The following COLGALT2 variants were observed in gnomAD, a reference collection of about 807,000 sequenced individuals.
The protein encoded by COLGALT2 is procollagen galactosyltransferase 2.
Under a neutral mutation model 73.4 loss-of-function variants are expected in COLGALT2, and 49 were observed. The ratio of observed to expected loss-of-function variants is 0.67; its 90% CI spans 0.53 to 0.85. The LOEUF is 0.85. Ranked by LOEUF, COLGALT2 falls within the 40% of genes least tolerant of loss-of-function variation. COLGALT2 has a pLI of 0.00. For synonymous variants in COLGALT2, 295 were observed against 307.6 expected (o/e 0.96, Z 0.43); for missense variants, 722 against 790.2 (o/e 0.91, Z 1.03).
At chr1:184,035,309 TG>T (rs1366533040) in intron 1 of COLGALT2, among the ~76,000 whole-genome samples, 1 of 152,246 alleles carries the variant, frequency 6.6e-6, no homozygotes, top group East Asian at 1.9e-4. Flanking sequence ...CTGATGCCTA[TG>T]GATCCCAAGC....
chr1:184,012,380 A>T (rs527654875), intron 1 of COLGALT2, among the ~76,000 whole-genome samples: 12 of 152,344 alleles, frequency 7.9e-5, no homozygotes, highest in African/African-American at 2.9e-4. Context: ...TAGGATTATT[A>T]GAGGAAAAAT....
At chr1:184,032,126 T>C (rs1649532967) in intron 1 of COLGALT2, among the ~76,000 whole-genome samples, 1 of 152,064 alleles carries the variant, frequency 6.6e-6, no homozygotes, top group Admixed American at 6.5e-5. Flanking sequence ...ACTCCTTGGC[T>C]TAAGAAATCT....
Position 183,975,158 on chromosome 1 carries a change from A to G in COLGALT2, c.431T>C (p.Val144Ala). ...KHWPTSRFAH[V>A]MKLRQAALRT... Reference sequence around the variant, plus strand: ...AAGGGCTGCCTGTCGTAGTTTCATCACATGGGCAAACCGGGAGGTTGGCCA... The same window carrying G: ...AAGGGCTGCCTGTCGTAGTTTCATCGCATGGGCAAACCGGGAGGTTGGCCA... The change falls in exon 3 of 12, where the codon GTG (valine) becomes GCG (alanine). Residue 144 changes from valine to alanine, a missense_variant. Coordinates refer to ENST00000361927, the MANE Select transcript of COLGALT2 (RefSeq NM_015101.4). 6.2e-7 allele frequency: 1 copy of G among 1,614,184 alleles called. No individual in the cohort carries two copies. Among genetic ancestry groups the G allele is most frequent in the Non-Finnish European group, 8.5e-7 (1 of 1,180,012 alleles).
In COLGALT2 at chr1:183,937,186, T is replaced by C. The variant is rs933332710; in HGVS notation, c.*1575A>G. The C allele has an allele frequency of 6.5e-6, 8 of 1,224,812 alleles. No homozygotes were observed. The highest frequency in any genetic ancestry group is 7.1e-6 in the Non-Finnish European group (7 of 984,216). The allele number at this position is 1,224,812 out of a possible 1,614,324, so 75.9% of individuals were successfully genotyped here. A position where few individuals can be genotyped will look rare whatever the true frequency, so the allele number is the denominator to read the frequency against. ...GAAGGGCCCTCCCCATGAGTTTAAGTGTGAAGCTCAGGGTTTGGGGTGTGC... is the reference window on the plus strand; with the variant it reads ...GAAGGGCCCTCCCCATGAGTTTAAGCGTGAAGCTCAGGGTTTGGGGTGTGC... On this transcript the variant is annotated 3_prime_UTR_variant, in exon 12 of 12. Transcript: ENST00000361927.
chr1:183,988,223 GA>G (rs1671538472), intron 1 of COLGALT2, among the ~76,000 whole-genome samples: 1 of 152,076 alleles, frequency 6.6e-6, no homozygotes, highest in African/African-American at 2.4e-5. Flanking sequence ...TTGGAAAGAA[GA>G]AAAAAATGAT....
intron 4 of COLGALT2, among the ~76,000 whole-genome samples, chr1:183,971,348 A>G (rs1671031601): frequency 6.6e-6 from 1 of 152,216 alleles, no homozygotes; most frequent in South Asian, 2.1e-4. Context: ...ACTTGTCCCT[A>G]AGTTGCTCAG....
At chr1:183,974,217 G>A (rs1198420786) in intron 3 of COLGALT2, among the ~76,000 whole-genome samples, 2 of 152,166 alleles carry the variant, frequency 1.3e-5, no homozygotes, top group Non-Finnish European at 1.5e-5. Context: ...TTTTGTTTAA[G>A]TACATTATAT....
Position 183,963,951 on chromosome 1 carries a change from G to C in COLGALT2, c.902C>G (p.Thr301Arg), listed in dbSNP as rs144400363. Residue 301 changes from threonine (T) to arginine (R), a missense_variant, in exon 6 of 12, where the codon ACA (threonine) becomes AGA (arginine). By Grantham distance (71) the Thr-to-Arg change is moderately conservative (BLOSUM62 -1). Transcript: ENST00000361927. ...GAGGTTCTCGATGTCTTCCTGCAGT[G>C]TCTGATGGGGCTTCAGGGGGATGGG... ...YLPIPLKPHQ[T>R]LQEDIENLIH... 2 of 1,613,170 alleles carry C rather than the reference G, an allele frequency of 1.2e-6. No homozygotes were observed. The highest frequency in any genetic ancestry group is 2.7e-5 in the African/African-American group (2 of 74,866).
chr1:183,964,375 T>C (rs1670806910), intron 5 of COLGALT2: 1 of 319,328 alleles, frequency 3.1e-6, no homozygotes. Context: ...GTAATCCACC[T>C]ACAGGAAATA....
At chr1:183,944,688 G>T (rs544128643) in intron 9 of COLGALT2, among the ~76,000 whole-genome samples, 12 of 151,902 alleles carry the variant, frequency 7.9e-5, no homozygotes, top group Admixed American at 2.6e-4. Context: ...AGTACGGGGT[G>T]GGGGGGTGCT....
At chr1:184,014,357 G>A (rs1648930815) in intron 1 of COLGALT2, among the ~76,000 whole-genome samples, 1 of 152,192 alleles carries the variant, frequency 6.6e-6, no homozygotes, top group South Asian at 2.1e-4. Context: ...TGGTCCACAT[G>A]ATTGAATGCA....
chr1:183,968,234 A>G (rs1019646089), intron 5 of COLGALT2, among the ~76,000 whole-genome samples: 1 of 152,202 alleles, frequency 6.6e-6, no homozygotes, highest in African/African-American at 2.4e-5. Context: ...CACATTAATA[A>G]TGGGACCCAA....
chr1:183,987,619 G>T (rs1010290194), intron 1 of COLGALT2, among the ~76,000 whole-genome samples: 4 of 152,288 alleles, frequency 2.6e-5, no homozygotes, highest in Admixed American at 2.6e-4. Flanking sequence ...GTACTTAACA[G>T]TTCACTATAA....
intron 6 of COLGALT2, 80 bp from the exon 7 acceptor site, chr1:183,954,918 C>G (rs984711143): frequency 1.8e-6 from 2 of 1,102,844 alleles, no homozygotes; most frequent in African/African-American, 1.5e-5. Flanking sequence ...TGCCTGATCT[C>G]TAGGGTTGGA....
In COLGALT2 at chr1:183,937,617, C is replaced by G. The variant is rs1669991829; in HGVS notation, c.*1144G>C. ...AAATCCCCCCATCCACAGGCCTCCC[C>G]ACAAGAGCCTGGCTGGGAAATTCAG... On this transcript the variant is annotated 3_prime_UTR_variant, in exon 12 of 12. Coordinates refer to ENST00000361927, the MANE Select transcript of COLGALT2 (RefSeq NM_015101.4). The G allele has an allele frequency of 2.0e-6, 2 of 985,410 alleles. No individual in the cohort carries two copies. The highest frequency in any genetic ancestry group is 1.7e-5 in the African/African-American group (1 of 57,340). The allele number at this position is 985,410 out of a possible 1,614,324, so 61.0% of individuals were successfully genotyped here.
intron 1 of COLGALT2, among the ~76,000 whole-genome samples, chr1:184,021,552 G>A (rs1649182515): frequency 6.6e-6 from 1 of 152,134 alleles, no homozygotes; most frequent in African/African-American, 2.4e-5. Context: ...GTAGCAAAAA[G>A]GCCGTCGCCA....
At chr1:183,954,461 A>G (rs1670498829) in intron 7 of COLGALT2, among the ~76,000 whole-genome samples, 1 of 152,246 alleles carries the variant, frequency 6.6e-6, no homozygotes. Context: ...AATTTTGATA[A>G]AAAGGTTGAT....
At chr1:183,955,906 T>TC (rs1299516438) in intron 6 of COLGALT2, among the ~76,000 whole-genome samples, 1 of 152,204 alleles carries the variant, frequency 6.6e-6, no homozygotes, top group Non-Finnish European at 1.5e-5. Context: ...GCTATATGAC[T>TC]TTCTGGGGAA....
At chr1:183,959,089 C>T (rs1198629018) in intron 6 of COLGALT2, among the ~76,000 whole-genome samples, 2 of 152,150 alleles carry the variant, frequency 1.3e-5, no homozygotes, top group Non-Finnish European at 2.9e-5. Flanking sequence ...GAACCAATGA[C>T]CAATTCTTTA....
Sources: allele counts gnomAD v4.1 joint callset (sites outside exome capture counted in the v4.1 genomes callset), GRCh38; gene constraint gnomAD v4.1.1; transcripts MANE v1.5; gene names NCBI Gene and HGNC (gene_info 2026-07-23, HGNC 2026-07-21).